Variants in AJAP1 observed in about 807,000 individuals in gnomAD.
AJAP1 encodes the protein adherens junction-associated protein 1.
AJAP1 carries 5 observed loss-of-function variants against 35.0 expected under a neutral mutation model. The ratio of observed to expected loss-of-function variants is 0.14; its 90% CI spans 0.07 to 0.30. The LOEUF is 0.30. Among genes scored for constraint, AJAP1 ranks in the 10% least tolerant of loss-of-function variants. The pLI, the probability that AJAP1 is intolerant of heterozygous loss-of-function variation, is 1.00. For missense variants in AJAP1, 586 were observed against 571.0 expected, an observed-to-expected ratio of 1.03 and a Z score of -0.27; for synonymous variants, 284 against 249.3, an observed-to-expected ratio of 1.14 and a Z score of -1.31.
chr1:4,697,231 G>C (rs1293763565), intron 1 of AJAP1, among the ~76,000 whole-genome samples: 1 of 152,250 alleles, frequency 6.6e-6, no homozygotes, highest in Non-Finnish European at 1.5e-5. Flanking sequence ...TTGTGTGTCT[G>C]TGTGTGTGCA....
At chr1:4,778,666 C>A (rs957351466) in intron 5 of AJAP1, among the ~76,000 whole-genome samples, 1 of 151,878 alleles carries the variant, frequency 6.6e-6, no homozygotes, top group African/African-American at 2.4e-5. Context: ...TCCTGAGACA[C>A]AGAGTAGAGA....
chr1:4,754,812 G>T (rs1479517467), intron 2 of AJAP1, among the ~76,000 whole-genome samples: 1 of 152,180 alleles, frequency 6.6e-6, no homozygotes, highest in Admixed American at 6.5e-5. Flanking sequence ...AAGCGAGCGA[G>T]CCTCCCTTGT....
At position 4,790,966 on chromosome 1, in the gene AJAP1, C is replaced by T. The variant is rs938891389; in HGVS notation, c.*8481C>T. ...TTTTTGTTTTTGTTTTGTTTAATTT[C>T]CTCTTCTGGCATCCCAATTTGGATC... On this transcript the variant is annotated 3_prime_UTR_variant, in exon 6 of 6. Coordinates refer to ENST00000378191, the MANE Select transcript of AJAP1 (RefSeq NM_018836.4). 7.2e-6 allele frequency: 1 copy of T among 138,106 alleles called. No homozygotes were observed. Among genetic ancestry groups the T allele is most frequent in the Non-Finnish European group, 1.5e-5 (1 of 64,636 alleles). 8.6% of individuals were successfully genotyped at this position (138,106 alleles called of 1,614,324 possible).
chr1:4,678,765 C>T (rs1385988179), intron 1 of AJAP1, among the ~76,000 whole-genome samples: 1 of 152,206 alleles, frequency 6.6e-6, no homozygotes, highest in East Asian at 1.9e-4. Flanking sequence ...AGGTGGGGAC[C>T]CTGCCTGCCT....
At chr1:4,663,349 AGAAAGCACG>A (rs1325868522) in intron 1 of AJAP1, among the ~76,000 whole-genome samples, 4 of 43,978 alleles carry the variant, frequency 9.1e-5, no homozygotes, top group African/African-American at 3.9e-4. Flanking sequence ...AAGCACCTCC[AGAAAGCACG>A]GGTGTTGGTG....
At chr1:4,717,857 G>A (rs981828339) in intron 2 of AJAP1, among the ~76,000 whole-genome samples, 2 of 152,234 alleles carry the variant, frequency 1.3e-5, no homozygotes, top group Non-Finnish European at 2.9e-5. Context: ...GTTGAAAGCT[G>A]TGATGGCCAT....
rs1292866317 is a variant in AJAP1, at chr1:4,693,799, G to T, written c.30-18101G>T. ...GGGCAAGAGAGCACATGGAGGGGAG[G>T]AAGGGGCCAAACGCGTCCTTTTATC... On this transcript the variant is annotated intron_variant, in intron 1 of 5. Coordinates refer to ENST00000378191, the MANE Select transcript of AJAP1 (RefSeq NM_018836.4). The surrounding 1 kb of genome is among the most constrained non-coding windows in gnomAD (Gnocchi z 4.4). 1.3e-5 allele frequency among the ~76,000 whole-genome samples: 2 copies of T among 152,166 alleles called. No individual in the cohort carries two copies. The highest frequency in any genetic ancestry group is 2.4e-5 in the African/African-American group (1 of 41,432).
intron 1 of AJAP1, among the ~76,000 whole-genome samples, chr1:4,674,240 T>C (rs977951129): frequency 1.3e-5 from 2 of 152,142 alleles, no homozygotes; most frequent in Non-Finnish European, 2.9e-5. Context: ...CTTTAGTTGC[T>C]GTTCTCTAGG....
At position 4,789,153 on chromosome 1, in the gene AJAP1, A is replaced by G. The variant is rs1642214437; in HGVS notation, c.*6668A>G. 6.6e-6 allele frequency: 1 copy of G among 152,236 alleles called. No homozygotes were observed. Among genetic ancestry groups the G allele is most frequent in the African/African-American group, 2.4e-5 (1 of 41,446 alleles). 9.4% of individuals were successfully genotyped at this position (152,236 alleles called of 1,614,324 possible). A position where few individuals can be genotyped will look rare whatever the true frequency, so the allele number is the denominator to read the frequency against. ...ATGTGGGACACACAGGTTTATAGAG[A>G]TTAAACACTAGTGAGTAGCGGGGGA... On this transcript the variant is annotated 3_prime_UTR_variant, in exon 6 of 6. Coordinates refer to ENST00000378191, the MANE Select transcript of AJAP1 (RefSeq NM_018836.4). The surrounding 1 kb of genome is among the most constrained non-coding windows in gnomAD (Gnocchi z 4.4).
intron 1 of AJAP1, among the ~76,000 whole-genome samples, chr1:4,665,094 G>T (rs1347671624): frequency 6.6e-6 from 1 of 151,872 alleles, no homozygotes; most frequent in Non-Finnish European, 1.5e-5. Flanking sequence ...TTCAGTCGAC[G>T]CCCCCACCCC....
At chr1:4,711,763 T>G in intron 1 of AJAP1, 137 bp from the exon 2 acceptor site, 3 of 644,428 alleles carry the variant, frequency 4.7e-6, no homozygotes, top group Non-Finnish European at 7.5e-6. Context: ...CGGATTCCCT[T>G]TTGAAGTTAG....
At chr1:4,750,002 A>G (rs1467200250) in intron 2 of AJAP1, among the ~76,000 whole-genome samples, 1 of 149,316 alleles carries the variant, frequency 6.7e-6, no homozygotes, top group Admixed American at 6.7e-5. Flanking sequence ...TTTCATGTCC[A>G]TGTGTTTGTG....
intron 2 of AJAP1, among the ~76,000 whole-genome samples, chr1:4,759,916 G>GGCCCCTCAGCTGGTTCAAA (rs1641525566): frequency 6.6e-6 from 1 of 152,180 alleles, no homozygotes; most frequent in Non-Finnish European, 1.5e-5. Context: ...TGCAGCAGAA[G>GGCCCCTCAGCTGGTTCAAA]GCCCCTCAGC....
Position 4,692,076 on chromosome 1 carries a change from G to A in AJAP1, c.30-19824G>A, listed in dbSNP as rs1045198878. ...AGGCCCTCAGCCCTGTGCTCCTTCC[G>A]GGAATGGCAGGTGGCATGGCGCCCG... is the stretch of plus-strand genomic sequence containing the variant. On this transcript the variant is annotated intron_variant, in intron 1 of 5. Coordinates refer to ENST00000378191, the MANE Select transcript of AJAP1 (RefSeq NM_018836.4). The surrounding 1 kb of genome is among the most constrained non-coding windows in gnomAD (Gnocchi z 4.4). 6.6e-6 allele frequency among the ~76,000 whole-genome samples: 1 copy of A among 152,086 alleles called. No homozygotes were observed. The highest frequency in any genetic ancestry group is 6.5e-5 in the Admixed American group (1 of 15,280).
At chr1:4,743,132 C>A (rs181830991) in intron 2 of AJAP1, among the ~76,000 whole-genome samples, 1 of 152,334 alleles carries the variant, frequency 6.6e-6, no homozygotes, top group Non-Finnish European at 1.5e-5. Context: ...GCAGTGACAT[C>A]CACCTGCCAA....
In AJAP1 at chr1:4,655,620, A is replaced by C. The variant is rs543041101; in HGVS notation, c.29+166A>C. Among the ~76,000 whole-genome samples, 5 of 151,006 alleles carry C rather than the reference A, an allele frequency of 3.3e-5. No individual in the cohort carries two copies. The highest frequency in any genetic ancestry group is 1.2e-4 in the African/African-American group (5 of 41,340). ...AAAGGGGCGCCCGCCCGGAGCCTGGAGCAGCACCGCGGCCCTGGCGGGGAG... is the reference window on the plus strand; with the variant it reads ...AAAGGGGCGCCCGCCCGGAGCCTGGCGCAGCACCGCGGCCCTGGCGGGGAG... On this transcript the variant is annotated intron_variant, in intron 1 of 5. Transcript: ENST00000378191. This position sits in a 1 kb window ranked among gnomAD's most constrained non-coding sequence, Gnocchi z 6.9.
Position 4,782,194 on chromosome 1 carries a change from G to A in AJAP1, c.*60-351G>A, listed in dbSNP as rs947466868. Among the ~76,000 whole-genome samples the A allele has an allele frequency of 1.3e-4, 20 of 152,168 alleles. No homozygotes were observed. Among genetic ancestry groups the A allele is most frequent in the African/African-American group, 4.6e-4 (19 of 41,438 alleles). On this transcript the variant is annotated intron_variant, in intron 5 of 5. Coordinates refer to ENST00000378191, the MANE Select transcript of AJAP1 (RefSeq NM_018836.4). This position sits in a 1 kb window ranked among gnomAD's most constrained non-coding sequence, Gnocchi z 5.3. ...CACACGCAGGCCCCCTGACATGCAC[G>A]CCTGGGACCGGATGCCCCGGCACCC...
At chr1:4,781,508 G>C (rs932634700) in intron 5 of AJAP1, among the ~76,000 whole-genome samples, 4 of 152,250 alleles carry the variant, frequency 2.6e-5, no homozygotes, top group African/African-American at 7.2e-5. Flanking sequence ...AAATTCTAGA[G>C]CTCCCACTGG....
intron 2 of AJAP1, among the ~76,000 whole-genome samples, chr1:4,743,038 C>T (rs947688519): frequency 3.9e-5 from 6 of 152,196 alleles, no homozygotes; most frequent in Middle Eastern, 3.2e-3. Context: ...CCCGTCAGAA[C>T]CTGTACGGAT....
Sources: allele counts gnomAD v4.1 joint callset (sites outside exome capture counted in the v4.1 genomes callset), GRCh38; gene constraint gnomAD v4.1.1; non-coding constraint Gnocchi (gnomAD v3.1); transcripts MANE v1.5; gene names NCBI Gene and HGNC (gene_info 2026-07-23, HGNC 2026-07-21).